EIF3M: variants seen among roughly 807,000 people sequenced by gnomAD.
The protein encoded by EIF3M is B5 receptor.
In EIF3M, 25 loss-of-function variants were observed where a neutral mutation model predicts 49.7. The observed-to-expected ratio is 0.50, with a 90% CI of 0.37 to 0.70. The LOEUF (loss-of-function observed/expected upper bound fraction) is 0.70. EIF3M is among the 30% of genes least tolerant of loss of function. EIF3M has a pLI of 0.00. For missense variants in EIF3M, 350 were observed against 440.0 expected (o/e 0.80, Z 1.83); for synonymous variants, 156 against 149.8 (o/e 1.04, Z -0.30).
intron 5 of EIF3M, among the ~76,000 whole-genome samples, chr11:32,590,703 TTTC>T (rs1362448724): frequency 6.6e-6 from 1 of 152,182 alleles, no homozygotes; most frequent in Non-Finnish European, 1.5e-5. Flanking sequence ...GAGAGTTGGT[TTTC>T]TTCTTTAGAA....
At chr11:32,596,884 G>A (rs1855189177) in intron 8 of EIF3M, among the ~76,000 whole-genome samples, 1 of 151,992 alleles carries the variant, frequency 6.6e-6, no homozygotes, top group Non-Finnish European at 1.5e-5. Flanking sequence ...CAGCCTGGAT[G>A]ACAGAGTGAG....
At chr11:32,592,268 G>A (rs1349713523) in intron 5 of EIF3M, 22 of 454,870 alleles carry the variant, frequency 4.8e-5, no homozygotes, top group South Asian at 2.0e-4. Context: ...CTTCACTAAC[G>A]CCTGTTAATA....
chr11:32,594,820 T>C (rs1855154808), intron 6 of EIF3M, 94 bp from the exon 7 acceptor site: 3 of 1,091,504 alleles, frequency 2.7e-6, no homozygotes, highest in Non-Finnish European at 4.0e-6. Context: ...TGTTAGATAT[T>C]TTGCCGAATT....
At chr11:32,589,921 G>A (rs1289149640) in intron 5 of EIF3M, among the ~76,000 whole-genome samples, 1 of 152,174 alleles carries the variant, frequency 6.6e-6, no homozygotes. Flanking sequence ...TACTGCTGTA[G>A]CATGAGCTTG....
At chr11:32,589,501 C>T (rs1009898670) in intron 4 of EIF3M, 46 bp from the exon 5 acceptor site, 2 of 1,547,624 alleles carry the variant, frequency 1.3e-6, no homozygotes, top group Non-Finnish European at 1.8e-6. Context: ...ATATGTTATA[C>T]TTTATATGTG....
In EIF3M at chr11:32,605,236, T is replaced by G. The variant is rs1244169252; in HGVS notation, c.*2837T>G. On this transcript the variant is annotated 3_prime_UTR_variant, in exon 11 of 11. Transcript: ENST00000531120. The stretch of plus-strand genomic sequence containing the variant: ...CACGGCTCCCTAAGGAGTGTTCCTT[T>G]TGGATTGCTCTGTTTGGCTCCCTCC... The G allele has an allele frequency of 6.6e-6, 1 of 151,618 alleles. No individual in the cohort carries two copies. Among genetic ancestry groups the G allele is most frequent in the African/African-American group, 2.4e-5 (1 of 41,184 alleles). The allele number at this position is 151,618 out of a possible 1,614,324, so 9.4% of individuals were successfully genotyped here.
At chr11:32,601,129 G>A (rs1350696008) in intron 9 of EIF3M, 10 of 203,076 alleles carry the variant, frequency 4.9e-5, no homozygotes, top group African/African-American at 2.1e-4. Context: ...CCCTTCCTTT[G>A]TGAAACAGGA....
intron 5 of EIF3M, among the ~76,000 whole-genome samples, chr11:32,590,590 C>A (rs1028709545): frequency 6.6e-6 from 1 of 152,170 alleles, no homozygotes; most frequent in South Asian, 2.1e-4. Flanking sequence ...AAGAAGATAG[C>A]ACTTATTGGG....
Position 32,602,704 on chromosome 11 carries a change from A to C in EIF3M, c.*305A>C. 1 of 975,796 alleles carries C rather than the reference A, an allele frequency of 1.0e-6. No individual in the cohort carries two copies. The highest frequency in any genetic ancestry group is 1.5e-6 in the Non-Finnish European group (1 of 674,790). 60.4% of individuals were successfully genotyped at this position (975,796 alleles called of 1,614,324 possible). On this transcript the variant is annotated 3_prime_UTR_variant, in exon 11 of 11. Coordinates refer to ENST00000531120, the MANE Select transcript of EIF3M (RefSeq NM_006360.6). ...TCTTCACATTAGAAAAACTTGGAAA[A>C]GCAAAGACAAACTGTAGAGCTTTAA...
chr11:32,602,383 GTCTT>G lies in EIF3M; in HGVS notation c.1113_1116del (p.Ser372IlefsTer8), dbSNP rs1231341812. 2 of 1,611,278 alleles carry G rather than the reference GTCTT, an allele frequency of 1.2e-6. No homozygotes were observed. The highest frequency in any genetic ancestry group is 8.5e-7 in the Non-Finnish European group (1 of 1,178,388). On this transcript the variant is annotated frameshift_variant, in exon 11 of 11. Coordinates refer to ENST00000531120, the MANE Select transcript of EIF3M (RefSeq NM_006360.6). LOFTEE classifies it high-confidence loss of function. ...AACAAAGTGAAAAACAGCCTTTTGA[GTCTT>G]TCTGATACCTGAGTTTTTATGCTTA... is the stretch of plus-strand genomic sequence containing the variant.
rs770753336 is a variant in EIF3M, at chr11:32,583,867, C to A, written c.-21C>A. 1 of 1,611,580 alleles carries A rather than the reference C, an allele frequency of 6.2e-7. No homozygotes were observed. The highest frequency in any genetic ancestry group is 8.5e-7 in the Non-Finnish European group (1 of 1,178,376). ...GGCGTGGTCTTGCGAGTGGAGTGTC[C>A]GCTGTGCCCGGGCCTGCACCATGAG... is the stretch of plus-strand genomic sequence containing the variant. On this transcript the variant is annotated 5_prime_UTR_variant, in exon 1 of 11. Coordinates refer to ENST00000531120, the MANE Select transcript of EIF3M (RefSeq NM_006360.6).
chr11:32,592,080 C>A, intron 5 of EIF3M: 1 of 291,216 alleles, frequency 3.4e-6, no homozygotes, highest in South Asian at 3.2e-5. Context: ...TCCATTATAT[C>A]CAGCAACCCC....
chr11:32,598,664 A>C (rs967287913), intron 8 of EIF3M, among the ~76,000 whole-genome samples: 2 of 152,084 alleles, frequency 1.3e-5, no homozygotes, highest in African/African-American at 4.8e-5. Flanking sequence ...AATAATCTTC[A>C]TTCCTCTGAT....
chr11:32,588,521 G>A, intron 2 of EIF3M, 73 bp from the exon 3 acceptor site: 1 of 1,530,686 alleles, frequency 6.5e-7, no homozygotes, highest in South Asian at 1.2e-5. Context: ...TTAAAACACT[G>A]GAAATGCATA....
chr11:32,599,948 A>G (rs1855235869), intron 8 of EIF3M, among the ~76,000 whole-genome samples: 1 of 151,926 alleles, frequency 6.6e-6, no homozygotes, highest in African/African-American at 2.4e-5. Context: ...TGTTATTTGA[A>G]TAATTACAAC....
At chr11:32,588,544 C>T in intron 2 of EIF3M, 50 bp from the exon 3 acceptor site, 3 of 1,584,748 alleles carry the variant, frequency 1.9e-6, no homozygotes, top group Non-Finnish European at 2.6e-6. Context: ...TAACTAGACG[C>T]ATTGAGTATT....
At chr11:32,600,619 C>A in intron 8 of EIF3M, 70 bp from the exon 9 acceptor site, 1 of 1,405,806 alleles carries the variant, frequency 7.1e-7, no homozygotes. Context: ...CACAGCTTAA[C>A]ATGAGATGTA....
rs2133206417 is a variant in EIF3M at position 32,602,637 on chromosome 11, GGAT to G, written c.*239_*241del. The G allele has an allele frequency of 2.6e-6, 2 of 755,178 alleles. No homozygotes were observed. The highest frequency in any genetic ancestry group is 5.5e-5 in the East Asian group (2 of 36,592). The allele number at this position is 755,178 out of a possible 1,614,324, so 46.8% of individuals were successfully genotyped here. ...AGAAGCAATGAGCACTTTAAAGAAA[GGAT>G]AATATACAGAGAGAAGACAGAAGTA... On this transcript the variant is annotated 3_prime_UTR_variant, in exon 11 of 11. Transcript: ENST00000531120.
At chr11:32,586,483 G>A (rs766559076) in intron 1 of EIF3M, among the ~76,000 whole-genome samples, 4 of 152,096 alleles carry the variant, frequency 2.6e-5, no homozygotes, top group Non-Finnish European at 5.9e-5. Context: ...AGCATTCACC[G>A]CATTGCCCTT....
Sources: gnomAD v4.1 joint callset for allele counts (sites outside exome capture counted in the v4.1 genomes callset) on GRCh38, gnomAD v4.1.1 for gene constraint, MANE v1.5 for transcripts, NCBI Gene and HGNC (gene_info 2026-07-23, HGNC 2026-07-21) for gene names.